Variants in NPHP1 observed in about 807,000 individuals in gnomAD.
NPHP1 encodes nephrocystin 1.
NPHP1 carries 70 observed loss-of-function variants against 90.4 expected under a neutral mutation model. The ratio of observed to expected loss-of-function variants is 0.77; its 90% CI spans 0.64 to 0.95. The LOEUF (loss-of-function observed/expected upper bound fraction) is 0.95, where lower values mean the gene tolerates loss of function less well. NPHP1 is among the 40% of genes least tolerant of loss of function. The pLI is 0.00. For missense variants in NPHP1, 764 were observed against 795.9 expected, an observed-to-expected ratio of 0.96 and a Z score of 0.48; for synonymous variants, 256 against 271.7, an observed-to-expected ratio of 0.94 and a Z score of 0.57.
intron 18 of NPHP1, chr2:110,126,000 A>C (rs1679335608): frequency 2.7e-6 from 1 of 375,988 alleles, no homozygotes; most frequent in Non-Finnish European, 4.9e-6. Flanking sequence ...ATAAAATAGT[A>C]TTAAGCTTTC....
At chr2:110,169,194 T>C (rs1682933898) in intron 5 of NPHP1, among the ~76,000 whole-genome samples, 2 of 152,158 alleles carry the variant, frequency 1.3e-5, no homozygotes, top group Non-Finnish European at 1.5e-5. Context: ...AAAAAATCTA[T>C]AAATCAAACC....
chr2:110,133,460 T>C (rs1679936367), intron 16 of NPHP1, among the ~76,000 whole-genome samples: 2 of 152,046 alleles, frequency 1.3e-5, no homozygotes, highest in Admixed American at 1.3e-4. Flanking sequence ...ATAGAGAAGA[T>C]TTCAATATCC....
intron 12 of NPHP1, among the ~76,000 whole-genome samples, chr2:110,149,815 G>A (rs193301600): frequency 3.3e-5 from 5 of 152,298 alleles, no homozygotes; most frequent in East Asian, 3.9e-4. Flanking sequence ...GTGTGTGGGT[G>A]TAATGTAGCA....
At chr2:110,189,839 T>C (rs1684573782) in intron 2 of NPHP1, among the ~76,000 whole-genome samples, 1 of 151,986 alleles carries the variant, frequency 6.6e-6, no homozygotes, top group African/African-American at 2.4e-5. Flanking sequence ...TAGTTAGATA[T>C]AGAGTGTCGA....
chr2:110,187,562 T>A (rs10167781), intron 2 of NPHP1, among the ~76,000 whole-genome samples: 2 of 151,902 alleles, frequency 1.3e-5, no homozygotes, highest in Admixed American at 6.6e-5. Flanking sequence ...CAGGACCAGA[T>A]GAATTCACAG....
At position 110,160,251 on chromosome 2, in the gene NPHP1, CT is replaced by C. The variant is rs1482130141; in HGVS notation, c.958del (p.Arg320GlyfsTer9). The C allele has an allele frequency of 6.2e-7, 1 of 1,607,512 alleles. No homozygotes were observed. Among genetic ancestry groups the C allele is most frequent in the East Asian group, 2.2e-5 (1 of 44,752 alleles). The part of the protein sequence containing the change: ...LMWDATEGTI[R>X]SRPSRISLIL... ...CAATGAAATACGACTTGGTCTCGAC[CT>C]AATCTGAAAGAAAAATTAGTTATAA... is the stretch of plus-strand genomic sequence containing the variant. On this transcript the variant is annotated frameshift_variant, in exon 11 of 20. Coordinates refer to ENST00000445609, the MANE Select transcript of NPHP1 (RefSeq NM_001128178.3). LOFTEE classifies it high-confidence loss of function.
intron 2 of NPHP1, among the ~76,000 whole-genome samples, chr2:110,197,365 G>A (rs1685242648): frequency 6.6e-6 from 1 of 152,056 alleles, no homozygotes; most frequent in Non-Finnish European, 1.5e-5. Context: ...GGTAGCAAAA[G>A]AGAAGGGGAA....
intron 11 of NPHP1, among the ~76,000 whole-genome samples, chr2:110,157,381 T>G (rs1056910878): frequency 6.6e-6 from 1 of 152,050 alleles, no homozygotes; most frequent in African/African-American, 2.4e-5. Context: ...TTTGTGGCAG[T>G]GATTTTGTGC....
chr2:110,141,616 T>A (rs1574080040), intron 16 of NPHP1, among the ~76,000 whole-genome samples: 1 of 152,062 alleles, frequency 6.6e-6, no homozygotes, highest in East Asian at 1.9e-4. Flanking sequence ...GTCAAGAATA[T>A]AGAGTAACTG....
Position 110,136,983 on chromosome 2 carries a change from C to A in NPHP1, c.1530-5192G>T, listed in dbSNP as rs1272175180. Among the ~76,000 whole-genome samples the A allele has an allele frequency of 2.6e-5, 4 of 152,092 alleles. No homozygotes were observed. The East Asian group carries it at 7.7e-4, about 29-fold the overall frequency. On this transcript the variant is annotated intron_variant, in intron 16 of 19. Transcript: ENST00000445609. ...ACTGGTACCAAAACAGAGATATAGA[C>A]CTATGGAACAGAACAGAGCCCTCAG...
intron 4 of NPHP1, among the ~76,000 whole-genome samples, chr2:110,170,469 C>T (rs886972529): frequency 6.6e-6 from 1 of 152,142 alleles, no homozygotes; most frequent in Non-Finnish European, 1.5e-5. Context: ...AGATGAGTTA[C>T]TACTTGCAAA....
intron 6 of NPHP1, among the ~76,000 whole-genome samples, chr2:110,166,096 C>G (rs1682709968): frequency 6.6e-6 from 1 of 152,178 alleles, no homozygotes; most frequent in Admixed American, 6.5e-5. Flanking sequence ...AGATTGCTAA[C>G]AGCCATCACT....
chr2:110,162,776 T>TA (rs1682437034), intron 9 of NPHP1, among the ~76,000 whole-genome samples: 2 of 151,750 alleles, frequency 1.3e-5, no homozygotes, highest in African/African-American at 4.8e-5. Context: ...GTGGGCCAGC[T>TA]AAAGACACAG....
intron 2 of NPHP1, among the ~76,000 whole-genome samples, chr2:110,199,576 T>C (rs1025845359): frequency 2.0e-5 from 3 of 151,884 alleles, no homozygotes; most frequent in Non-Finnish European, 2.9e-5. Context: ...TGAGCCATGA[T>C]TGTGCCACTT....
chr2:110,194,633 G>C (rs1286900139), intron 2 of NPHP1, among the ~76,000 whole-genome samples: 1 of 152,122 alleles, frequency 6.6e-6, no homozygotes, highest in Non-Finnish European at 1.5e-5. Context: ...TAGAAAAAGA[G>C]GGAATCCTCC....
chr2:110,129,305 A>C, intron 17 of NPHP1, 46 bp from the exon 18 acceptor site: 1 of 1,375,248 alleles, frequency 7.3e-7, no homozygotes, highest in Non-Finnish European at 1.0e-6. Context: ...ACTTCACTCA[A>C]TGGATTTTAT....
In NPHP1 at chr2:110,199,338, G is replaced by GCT. The variant is rs1685406145; in HGVS notation, c.143+2082_143+2083insAG. On this transcript the variant is annotated intron_variant, in intron 2 of 19. Transcript: ENST00000445609. ...AATCCCAGCTACTCAGAAGGCTAAG[G>GCT]CAGGAGAATCGCTTGAACCCAGGAG... 5.9e-5 allele frequency among the ~76,000 whole-genome samples: 9 copies of GCT among 151,964 alleles called. 1 individual carries two copies. The highest frequency in any genetic ancestry group is 1.3e-4 in the Admixed American group (2 of 15,252).
intron 11 of NPHP1, among the ~76,000 whole-genome samples, chr2:110,154,480 T>A (rs1681739322): frequency 6.6e-6 from 1 of 152,156 alleles, no homozygotes; most frequent in East Asian, 1.9e-4. Flanking sequence ...TTTGGAGGGC[T>A]CAGAAGAAGA....
At chr2:110,142,685 A>C (rs986536319) in intron 16 of NPHP1, among the ~76,000 whole-genome samples, 1 of 152,170 alleles carries the variant, frequency 6.6e-6, no homozygotes. Context: ...GAGCTTAGAC[A>C]GGCCTACCTT....
Sources: gnomAD v4.1 joint callset for allele counts (sites outside exome capture counted in the v4.1 genomes callset) on GRCh38, gnomAD v4.1.1 for gene constraint, MANE v1.5 for transcripts, NCBI Gene and HGNC (gene_info 2026-07-23, HGNC 2026-07-21) for gene names.